Variants in AGPS observed in about 807,000 individuals in gnomAD.
AGPS encodes alkylglycerone phosphate synthase, also known as alkyldihydroxyacetonephosphate synthase, peroxisomal.
AGPS carries 26 observed loss-of-function variants against 90.7 expected under a neutral mutation model. The ratio of observed to expected loss-of-function variants is 0.29; its 90% confidence interval spans 0.21 to 0.40. The LOEUF is 0.40. AGPS is among the 10% of genes least tolerant of loss of function. The pLI is 1.00. For synonymous variants in AGPS, 294 were observed against 285.3 expected, an observed-to-expected ratio of 1.03 and a Z score of -0.31; for missense variants, 540 against 816.1, an observed-to-expected ratio of 0.66 and a Z score of 4.12.
At chr2:177,465,672 T>C (rs570566833) in intron 9 of AGPS, among the ~76,000 whole-genome samples, 1 of 152,332 alleles carries the variant, frequency 6.6e-6, no homozygotes, top group East Asian at 1.9e-4. Context: ...CCAGGCATAC[T>C]GCAAGCAGCT....
intron 10 of AGPS, among the ~76,000 whole-genome samples, chr2:177,471,804 G>A (rs995121274): frequency 2.0e-5 from 3 of 152,126 alleles, no homozygotes; most frequent in African/African-American, 7.2e-5. Flanking sequence ...GACAGCTTGA[G>A]TGAATATACC....
rs573463653 is a variant in AGPS at position 177,524,483 on chromosome 2, G to A, written c.1855+678G>A. 1.6e-3 allele frequency among the ~76,000 whole-genome samples: 246 copies of A among 152,244 alleles called. 1 individual carries two copies. Among genetic ancestry groups the A allele is most frequent in the Non-Finnish European group, 3.2e-3 (216 of 68,010 alleles). On this transcript the variant is annotated intron_variant, in intron 19 of 19. Coordinates refer to ENST00000264167, the MANE Select transcript of AGPS (RefSeq NM_003659.4). The stretch of plus-strand genomic sequence containing the variant: ...ATGTTTGAGGTTATCCACTTGTTCT[G>A]TAGAATAGAAATTTGTTCTTAATAT...
chr2:177,491,047 GT>G, intron 11 of AGPS, among the ~76,000 whole-genome samples: 1 of 151,390 alleles, frequency 6.6e-6, no homozygotes, highest in South Asian at 2.1e-4. Flanking sequence ...TAGAGATGGG[GT>G]TTCACCATGT....
At chr2:177,442,273 T>A (rs1334302178) in intron 6 of AGPS, 134 bp from the exon 7 acceptor site, 1 of 708,804 alleles carries the variant, frequency 1.4e-6, no homozygotes, top group Admixed American at 2.2e-5. Flanking sequence ...TTGCAAGTTG[T>A]ATTTTGCAAA....
At chr2:177,534,600 T>G (rs988269256) in intron 19 of AGPS, among the ~76,000 whole-genome samples, 3 of 133,562 alleles carry the variant, frequency 2.2e-5, no homozygotes, top group South Asian at 2.5e-4. Flanking sequence ...TCTTTTTTTT[T>G]TGTGAGCTAT....
At chr2:177,537,175 T>A (rs539537171) in intron 19 of AGPS, among the ~76,000 whole-genome samples, 6 of 152,282 alleles carry the variant, frequency 3.9e-5, no homozygotes, top group Admixed American at 2.0e-4. Flanking sequence ...TATTGCTTGC[T>A]TTTTAATACC....
chr2:177,502,479 G>A (rs776111668), intron 14 of AGPS, among the ~76,000 whole-genome samples: 1 of 141,958 alleles, frequency 7.0e-6, no homozygotes, highest in Non-Finnish European at 1.5e-5. Flanking sequence ...GTGACCTGAT[G>A]ATCATGGCTC....
chr2:177,448,453 A>C (rs1184677588), intron 8 of AGPS, among the ~76,000 whole-genome samples: 2 of 152,190 alleles, frequency 1.3e-5, no homozygotes, highest in Non-Finnish European at 2.9e-5. Context: ...TGATATAGCC[A>C]CTTGCCTAAT....
intron 6 of AGPS, 118 bp from the exon 7 acceptor site, chr2:177,442,289 A>T: frequency 1.2e-6 from 1 of 800,450 alleles, no homozygotes; most frequent in Non-Finnish European, 2.2e-6. Context: ...GCAAAGTATT[A>T]ATAGGTATCA....
intron 1 of AGPS, among the ~76,000 whole-genome samples, chr2:177,417,445 A>G (rs1478711207): frequency 1.3e-5 from 2 of 152,236 alleles, no homozygotes; most frequent in Admixed American, 6.5e-5. Context: ...TCTGGTCCCA[A>G]GCATTTTGGA....
chr2:177,419,386 T>C (rs1371787790), intron 1 of AGPS, among the ~76,000 whole-genome samples: 1 of 152,054 alleles, frequency 6.6e-6, no homozygotes, highest in Non-Finnish European at 1.5e-5. Context: ...GTTGAATTTG[T>C]AGTAAGAAGA....
At chr2:177,491,249 A>G (rs991319179) in intron 11 of AGPS, among the ~76,000 whole-genome samples, 1 of 141,558 alleles carries the variant, frequency 7.1e-6, no homozygotes, top group African/African-American at 2.6e-5. Flanking sequence ...TACCATTTTC[A>G]TGTCTAAGAA....
At chr2:177,489,339 C>T (rs1178598174) in intron 11 of AGPS, among the ~76,000 whole-genome samples, 1 of 152,042 alleles carries the variant, frequency 6.6e-6, no homozygotes, top group Non-Finnish European at 1.5e-5. Flanking sequence ...CTGCCTCGGC[C>T]TCCCAAAGTG....
intron 17 of AGPS, among the ~76,000 whole-genome samples, chr2:177,520,961 T>C (rs1689167857): frequency 6.6e-6 from 1 of 152,238 alleles, no homozygotes; most frequent in South Asian, 2.1e-4. Context: ...TTTGGGTTAT[T>C]TCCCAATAGA....
intron 10 of AGPS, among the ~76,000 whole-genome samples, chr2:177,481,316 T>C (rs1313005091): frequency 1.3e-5 from 2 of 152,026 alleles, no homozygotes; most frequent in Non-Finnish European, 2.9e-5. Context: ...TTTTTTCCTC[T>C]CTAATTAGTC....
intron 9 of AGPS, among the ~76,000 whole-genome samples, 168 bp from the exon 10 acceptor site, chr2:177,468,248 T>C (rs1454308182): frequency 6.6e-6 from 1 of 152,146 alleles, no homozygotes; most frequent in Non-Finnish European, 1.5e-5. Flanking sequence ...AATTTAACTT[T>C]AGTCTAAAAA....
intron 19 of AGPS, among the ~76,000 whole-genome samples, chr2:177,524,149 T>G (rs1159713696): frequency 2.0e-5 from 3 of 152,138 alleles, no homozygotes; most frequent in Non-Finnish European, 4.4e-5. Context: ...TACATAAATG[T>G]TTTTCAGCCA....
chr2:177,420,208 T>A, intron 1 of AGPS, 61 bp from the exon 2 acceptor site: 2 of 1,034,012 alleles, frequency 1.9e-6, no homozygotes, highest in Admixed American at 3.4e-5. Context: ...ATCAATGATA[T>A]ACTGTACAGT....
At chr2:177,480,173 T>C (rs376096228) in intron 10 of AGPS, among the ~76,000 whole-genome samples, 1 of 152,112 alleles carries the variant, frequency 6.6e-6, no homozygotes, top group Admixed American at 6.5e-5. Context: ...AGAGCGAAAC[T>C]CCATCTCAAA....
Sources: allele counts gnomAD v4.1 joint callset (sites outside exome capture counted in the v4.1 genomes callset), GRCh38; gene constraint gnomAD v4.1.1; transcripts MANE v1.5; gene names NCBI Gene and HGNC (gene_info 2026-07-23, HGNC 2026-07-21).